Variants in GABRQ observed in about 807,000 individuals in gnomAD.
GABRQ encodes the protein gamma-aminobutyric acid receptor subunit theta.
GABRQ carries 19 observed loss-of-function variants against 30.5 expected under a neutral mutation model. The observed-to-expected ratio is 0.62, with a 90% CI of 0.43 to 0.91. The LOEUF (loss-of-function observed/expected upper bound fraction) is 0.91. Among genes scored for constraint, GABRQ ranks in the 40% least tolerant of loss-of-function variants. The pLI is 0.00. For missense variants in GABRQ, 520 were observed against 521.4 expected (o/e 1.00, Z 0.03); for synonymous variants, 187 against 210.2 (o/e 0.89, Z 0.95).
In GABRQ at chrX:152,655,304, C is replaced by G. The variant is rs1428291603; in HGVS notation, c.*2023C>G. 8.9e-6 allele frequency: 1 copy of G among 111,995 alleles called. No homozygotes were observed. The highest frequency in any genetic ancestry group is 1.9e-5 in the Non-Finnish European group (1 of 53,230). 9.2% of individuals were successfully genotyped at this position (111,995 alleles called of 1,213,427 possible). A position where few individuals can be genotyped will look rare whatever the true frequency, so the allele number is the denominator to read the frequency against. ...CCAGGGAGCAGCATCTCCCAGTTCC[C>G]TTCCACTGTTTGCCCTGTCCCTCCA... On this transcript the variant is annotated 3_prime_UTR_variant, in exon 9 of 9. Coordinates refer to ENST00000598523, the MANE Select transcript of GABRQ (RefSeq NM_018558.4).
chrX:152,651,257 G>A (rs782497156), intron 7 of GABRQ, among the ~76,000 whole-genome samples: 1 of 112,337 alleles, frequency 8.9e-6, no homozygotes, highest in South Asian at 3.7e-4. Context: ...AAAGGGAAAG[G>A]AGCCATCATA....
chrX:152,649,644 T>C, intron 5 of GABRQ, 98 bp from the exon 6 acceptor site: 1 of 662,686 alleles, frequency 1.5e-6, no homozygotes, highest in Middle Eastern at 4.9e-4. Context: ...GTTGGGAAAG[T>C]GTGTGCAAGT....
At chrX:152,646,544 A>G (rs782647603) in intron 3 of GABRQ, among the ~76,000 whole-genome samples, 37 of 112,404 alleles carry the variant, frequency 3.3e-4, no homozygotes, top group Non-Finnish European at 4.9e-4. Context: ...TACATACAGT[A>G]TTATTTCATT....
chrX:152,644,630 T>C (rs1402181309), intron 2 of GABRQ, among the ~76,000 whole-genome samples: 1 of 111,836 alleles, frequency 8.9e-6, no homozygotes, highest in African/African-American at 3.3e-5. Context: ...AGGTGTTCAC[T>C]CACACATGGA....
At chrX:152,647,216 C>A in intron 4 of GABRQ, 48 bp downstream of exon 4, 2 of 929,709 alleles carry the variant, frequency 2.2e-6, no homozygotes, top group Non-Finnish European at 3.1e-6. Context: ...TTCCTTCTTC[C>A]TACTGAATAT....
Position 152,651,512 on chromosome X carries a change from T to G in GABRQ, c.902-14T>G. 8.3e-7 allele frequency: 1 copy of G among 1,201,928 alleles called. No homozygotes were observed. The highest frequency in any genetic ancestry group is 1.8e-5 in the South Asian group (1 of 56,516). ...CCATCAGAGGAGACTAAGTCTGTAC[T>G]GTGTTGCTTACAGGCTTAACTTCAA... On this transcript the variant is annotated splice_polypyrimidine_tract_variant and intron_variant, in intron 7 of 8. Coordinates refer to ENST00000598523, the MANE Select transcript of GABRQ (RefSeq NM_018558.4).
In GABRQ at chrX:152,654,558, G is replaced by T. The variant is rs1931109816; in HGVS notation, c.*1277G>T. ...CTCCCTAAAGAGGGTGCTCCAGAGG[G>T]CCCCCACCACATCCTCTAGCACCTG... On this transcript the variant is annotated 3_prime_UTR_variant, in exon 9 of 9. Transcript: ENST00000598523. 1 of 111,905 alleles carries T rather than the reference G, an allele frequency of 8.9e-6. No homozygotes were observed. Among genetic ancestry groups the T allele is most frequent in the Non-Finnish European group, 1.9e-5 (1 of 53,148 alleles). The allele number at this position is 111,905 out of a possible 1,213,427, so 9.2% of individuals were successfully genotyped here.
intron 2 of GABRQ, among the ~76,000 whole-genome samples, chrX:152,642,084 C>A (rs1930772196): frequency 9.0e-6 from 1 of 111,584 alleles, no homozygotes; most frequent in Non-Finnish European, 1.9e-5. Context: ...AAGCTGGATC[C>A]CTGGCTTGAT....
chrX:152,650,464 A>C lies in GABRQ; in HGVS notation c.785A>C (p.Gln262Pro). The C allele has an allele frequency of 8.3e-7, 1 of 1,206,541 alleles. No homozygotes were observed. The highest frequency in any genetic ancestry group is 1.1e-6 in the Non-Finnish European group (1 of 890,937). ...YIRLILKFQVQREVNSYLVQV... is the reference protein window; with the variant it reads ...YIRLILKFQVPREVNSYLVQV... Reference sequence around the variant, plus strand: ...CGCCTGATACTGAAGTTCCAGGTTCAGAGGGAAGTTAACAGCTACCTTGTG... The same window carrying C: ...CGCCTGATACTGAAGTTCCAGGTTCCGAGGGAAGTTAACAGCTACCTTGTG... Residue 262 changes from glutamine (Q) to proline (P), a missense_variant, in exon 7 of 9, where the codon CAG becomes CCG. By Grantham distance (76) the Gln-to-Pro change is moderately conservative. Coordinates refer to ENST00000598523, the MANE Select transcript of GABRQ (RefSeq NM_018558.4).
intron 2 of GABRQ, among the ~76,000 whole-genome samples, chrX:152,642,258 G>T (rs374993181): frequency 2.7e-5 from 3 of 111,655 alleles, no homozygotes; most frequent in African/African-American, 9.8e-5. Flanking sequence ...AGCGCCTGGG[G>T]ACTCCAGGAC....
In GABRQ at chrX:152,654,471, C is replaced by G. The variant is rs1931108741; in HGVS notation, c.*1190C>G. Reference sequence around the variant, plus strand: ...CAGCCAGTGAGTGGTAGATCCACCCCACTTGCTCTTTCTTGTCTTTTTCCT... The same window carrying G: ...CAGCCAGTGAGTGGTAGATCCACCCGACTTGCTCTTTCTTGTCTTTTTCCT... On this transcript the variant is annotated 3_prime_UTR_variant, in exon 9 of 9. Coordinates refer to ENST00000598523, the MANE Select transcript of GABRQ (RefSeq NM_018558.4). The G allele has an allele frequency of 9.0e-6, 1 of 111,489 alleles. No homozygotes were observed. Among genetic ancestry groups the G allele is most frequent in the Non-Finnish European group, 1.9e-5 (1 of 53,100 alleles). The allele number at this position is 111,489 out of a possible 1,213,427, so 9.2% of individuals were successfully genotyped here.
intron 2 of GABRQ, among the ~76,000 whole-genome samples, chrX:152,643,151 C>T (rs781988048): frequency 8.9e-6 from 1 of 112,281 alleles, no homozygotes; most frequent in Admixed American, 9.4e-5. Flanking sequence ...CCTAACACAG[C>T]TTCCCTTCTC....
intron 4 of GABRQ, 89 bp from the exon 5 acceptor site, chrX:152,649,162 C>T: frequency 3.3e-6 from 2 of 613,098 alleles, no homozygotes; most frequent in Non-Finnish European, 5.7e-6. Flanking sequence ...TGGGATAACT[C>T]TTCCCTCCCC....
In GABRQ at chrX:152,639,430, G is replaced by A. The variant is rs782375222; in HGVS notation, c.150-948G>A. 5.4e-5 allele frequency among the ~76,000 whole-genome samples: 6 copies of A among 110,998 alleles called. No homozygotes were observed. The East Asian group carries it at 1.7e-3, about 31-fold the overall frequency. On this transcript the variant is annotated intron_variant, in intron 1 of 8. Coordinates refer to ENST00000598523, the MANE Select transcript of GABRQ (RefSeq NM_018558.4). ...AACACACACATTTGCAGGGGCTGAC[G>A]TTCCCTGGGCAATGCGTCAAAGATT...
chrX:152,637,921 G>C lies in GABRQ; in HGVS notation c.-282G>C, dbSNP rs991101569. On this transcript the variant is annotated 5_prime_UTR_variant, in exon 1 of 9. Transcript: ENST00000598523. Reference sequence around the variant, plus strand: ...GTCGCAGCCAGGAGCGGCCGCAGACGGAGCGCACCTCGCAGCTGCCGGGCG... The same window carrying C: ...GTCGCAGCCAGGAGCGGCCGCAGACCGAGCGCACCTCGCAGCTGCCGGGCG... Among the ~76,000 whole-genome samples, 1 of 113,455 alleles carries C rather than the reference G, an allele frequency of 8.8e-6. No individual in the cohort carries two copies. The highest frequency in any genetic ancestry group is 1.9e-5 in the Non-Finnish European group (1 of 53,366).
In GABRQ at chrX:152,651,735, G is replaced by A. The variant is rs1320770604; in HGVS notation, c.1111G>A (p.Val371Ile). Residue 371 changes from valine (V) to isoleucine (I), a missense_variant, in exon 8 of 9, where the codon GTC becomes ATC. Physicochemically the swap from Val to Ile is conservative, Grantham distance 29. Coordinates refer to ENST00000598523, the MANE Select transcript of GABRQ (RefSeq NM_018558.4). The stretch of plus-strand genomic sequence containing the variant: ...TAGGCGACACAGGAGACCCCGAAGA[G>A]TCATTGCCCGCTACCGCTACCAGCA... The part of the protein sequence containing the change: ...QPRRHRRPRR[V>I]IARYRYQQVV... 2.5e-6 allele frequency: 3 copies of A among 1,210,283 alleles called. No individual in the cohort carries two copies. Among genetic ancestry groups the A allele is most frequent in the Non-Finnish European group, 3.4e-6 (3 of 894,938 alleles).
chrX:152,646,878 C>G (rs1283907770), intron 3 of GABRQ, 70 bp from the exon 4 acceptor site: 1 of 678,453 alleles, frequency 1.5e-6, no homozygotes, highest in Non-Finnish European at 2.4e-6. Context: ...TACACACACA[C>G]CCTACACACA....
rs1337117053 is a variant in GABRQ at position 152,649,996 on chromosome X, G to T, written c.748+117G>T. On this transcript the variant is annotated intron_variant, in intron 6 of 8. Coordinates refer to ENST00000598523, the MANE Select transcript of GABRQ (RefSeq NM_018558.4). ...GGTGCCTCCTTTTCCACTTCCTACT[G>T]GTTCCAGGCCCCCTTAAGAAAGCCC... The T allele has an allele frequency of 9.1e-6, 5 of 550,376 alleles. No homozygotes were observed. In the African/African-American group the frequency reaches 1.2e-4, roughly 13 times the overall value. 45.4% of individuals were successfully genotyped at this position (550,376 alleles called of 1,213,427 possible). A position where few individuals can be genotyped will look rare whatever the true frequency, so the allele number is the denominator to read the frequency against.
At chrX:152,641,997 G>A (rs1381958351) in intron 2 of GABRQ, among the ~76,000 whole-genome samples, 1 of 111,732 alleles carries the variant, frequency 8.9e-6, no homozygotes, top group Non-Finnish European at 1.9e-5. Flanking sequence ...ACCGGGGGAG[G>A]GAGCAGGGGC....
Sources: allele counts gnomAD v4.1 joint callset (sites outside exome capture counted in the v4.1 genomes callset), GRCh38; gene constraint gnomAD v4.1.1; transcripts MANE v1.5; gene names NCBI Gene and HGNC (gene_info 2026-07-23, HGNC 2026-07-21).